The following PDZD2 variants were observed in gnomAD, a reference collection of about 807,000 sequenced individuals.
PDZD2 encodes PDZ domain-containing protein 2.
Under a neutral mutation model 220.7 loss-of-function variants are expected in PDZD2, and 90 were observed. The observed-to-expected ratio is 0.41, with a 90% CI of 0.34 to 0.49. PDZD2 has a LOEUF of 0.49. PDZD2 is among the 20% of genes least tolerant of loss of function. The pLI, the probability that PDZD2 is intolerant of heterozygous loss-of-function variation, is 0.28. For missense variants in PDZD2, 3,174 were observed against 3,608.5 expected, an observed-to-expected ratio of 0.88 and a Z score of 3.08; for synonymous variants, 1,375 against 1,450.5, an observed-to-expected ratio of 0.95 and a Z score of 1.18.
chr5:31,863,401 T>A lies in PDZD2; in HGVS notation c.476+63677T>A, dbSNP rs528616817. Among the ~76,000 whole-genome samples the A allele has an allele frequency of 1.6e-3, 251 of 152,344 alleles. 1 individual carries two copies. Among genetic ancestry groups the A allele is most frequent in the South Asian group, 2.7e-3 (13 of 4,830 alleles). On this transcript the variant is annotated intron_variant, in intron 2 of 24. Coordinates refer to ENST00000438447, the MANE Select transcript of PDZD2 (RefSeq NM_178140.4). Reference sequence around the variant, plus strand: ...AGGGAATTGCCACTTGAAATGTGCATCCCTGAAGTGGTGCCTGCCTAGCGT... The same window carrying A: ...AGGGAATTGCCACTTGAAATGTGCAACCCTGAAGTGGTGCCTGCCTAGCGT...
chr5:31,886,887 C>T (rs908946378), intron 2 of PDZD2, among the ~76,000 whole-genome samples: 3 of 152,098 alleles, frequency 2.0e-5, no homozygotes, highest in Admixed American at 6.6e-5. Context: ...TTAGTAGAGA[C>T]GGGGTTTCAC....
intron 1 of PDZD2, among the ~76,000 whole-genome samples, chr5:31,669,243 A>T (rs1043917807): frequency 6.6e-5 from 10 of 152,182 alleles, no homozygotes; most frequent in Non-Finnish European, 1.3e-4. Flanking sequence ...CTACAAAAAA[A>T]TTTTAAAAAT....
Position 32,090,865 on chromosome 5 carries a change from C to G in PDZD2, c.7417C>G (p.Gln2473Glu). 1 of 1,614,042 alleles carries G rather than the reference C, an allele frequency of 6.2e-7. No homozygotes were observed. The highest frequency in any genetic ancestry group is 8.5e-7 in the Non-Finnish European group (1 of 1,180,014). Reference sequence around the variant, plus strand: ...GAACAAGTCCTCGGTACGCCACACGCAGCCCTCGCCCGTGTCCCGCTCCAA... The same window carrying G: ...GAACAAGTCCTCGGTACGCCACACGGAGCCCTCGCCCGTGTCCCGCTCCAA... ...KRNKSSVRHT[Q>E]PSPVSRSKLQ... The change falls in exon 20 of 25, where the codon CAG (glutamine) becomes GAG (glutamate). Residue 2473 changes from glutamine (Q) to glutamate (E), a missense_variant. Gln to Glu is a conservative substitution (Grantham distance 29, BLOSUM62 2). Around this residue, in one of 4 missense-constraint regions of PDZD2, gnomAD observed 631 missense variants for 789.9 expected, o/e 0.80. Coordinates refer to ENST00000438447, the MANE Select transcript of PDZD2 (RefSeq NM_178140.4). The surrounding 1 kb of genome is among the most constrained non-coding windows in gnomAD (Gnocchi z 4.3).
intron 6 of PDZD2, among the ~76,000 whole-genome samples, chr5:32,024,209 G>T (rs1422251327): frequency 6.6e-6 from 1 of 152,208 alleles, no homozygotes; most frequent in East Asian, 1.9e-4. Flanking sequence ...TGCTGAGGTT[G>T]CAAGATCTAT....
At chr5:31,865,551 A>C (rs976785026) in intron 2 of PDZD2, among the ~76,000 whole-genome samples, 1 of 147,486 alleles carries the variant, frequency 6.8e-6, no homozygotes, top group Admixed American at 6.8e-5. Flanking sequence ...GGCTCAAACA[A>C]TCCTCCTGCC....
At chr5:31,831,285 A>G (rs1756566328) in intron 2 of PDZD2, among the ~76,000 whole-genome samples, 1 of 151,832 alleles carries the variant, frequency 6.6e-6, no homozygotes, top group South Asian at 2.1e-4. Context: ...AATCGAGACC[A>G]TCGTGGCCAA....
chr5:31,894,821 G>A (rs1741389114), intron 2 of PDZD2, among the ~76,000 whole-genome samples: 1 of 152,228 alleles, frequency 6.6e-6, no homozygotes, highest in East Asian at 1.9e-4. Context: ...TCAAGTGCTA[G>A]ACAGTTATTC....
intron 2 of PDZD2, among the ~76,000 whole-genome samples, chr5:31,875,849 A>G (rs1344962575): frequency 6.6e-6 from 1 of 151,814 alleles, no homozygotes; most frequent in African/African-American, 2.4e-5. Context: ...CTATTCCTGC[A>G]TCAATGTTAT....
intron 1 of PDZD2, among the ~76,000 whole-genome samples, chr5:31,670,200 G>GA (rs1227920087): frequency 2.6e-5 from 4 of 152,256 alleles, no homozygotes; most frequent in African/African-American, 9.6e-5. Context: ...TCAAGGAGAA[G>GA]AAATGTACAT....
intron 1 of PDZD2, among the ~76,000 whole-genome samples, chr5:31,724,881 A>G (rs1749030127): frequency 6.6e-6 from 1 of 152,220 alleles, no homozygotes; most frequent in Admixed American, 6.5e-5. Context: ...TATGAATATG[A>G]AAGTTTATTT....
intron 4 of PDZD2, among the ~76,000 whole-genome samples, chr5:31,997,088 G>T (rs1488092082): frequency 1.3e-5 from 2 of 152,150 alleles, no homozygotes; most frequent in Admixed American, 6.5e-5. Flanking sequence ...GCCTGCTGGG[G>T]CGTGTACGTA....
intron 1 of PDZD2, among the ~76,000 whole-genome samples, chr5:31,660,265 T>C (rs182527047): frequency 2.7e-4 from 41 of 152,318 alleles, no homozygotes; most frequent in African/African-American, 9.9e-4. Context: ...TATGTCCCCA[T>C]ATCTATTGGC....
At chr5:31,677,765 G>T (rs1053428154) in intron 1 of PDZD2, among the ~76,000 whole-genome samples, 4 of 152,120 alleles carry the variant, frequency 2.6e-5, no homozygotes, top group Admixed American at 1.3e-4. Flanking sequence ...AGACAAAAAA[G>T]AGTACATACG....
intron 1 of PDZD2, among the ~76,000 whole-genome samples, chr5:31,642,611 G>A (rs1177521241): frequency 6.6e-6 from 1 of 152,196 alleles, no homozygotes; most frequent in Admixed American, 6.5e-5. Flanking sequence ...ATTCATGAGA[G>A]TCCCTCCATT....
chr5:31,813,449 C>CAA (rs60551914), intron 2 of PDZD2, among the ~76,000 whole-genome samples: 1,930 of 94,024 alleles, frequency 0.021, 128 homozygotes, highest in African/African-American at 0.024. Context: ...GACTCCGTCT[C>CAA]AAAAAAAAAA....
intron 1 of PDZD2, chr5:31,661,565 C>G (rs138327891): frequency 6.6e-6 from 1 of 152,290 alleles, no homozygotes; most frequent in East Asian, 1.9e-4. Flanking sequence ...TTAGCTGACA[C>G]TCTTGAAACA....
At chr5:31,956,336 GTT>G (rs71598912) in intron 2 of PDZD2, among the ~76,000 whole-genome samples, 112 of 133,490 alleles carry the variant, frequency 8.4e-4, no homozygotes, top group African/African-American at 1.7e-3. Flanking sequence ...GAAACTAAGA[GTT>G]TTTTTTTTTT....
At chr5:31,969,850 C>T (rs144355833) in intron 2 of PDZD2, among the ~76,000 whole-genome samples, 3 of 151,642 alleles carry the variant, frequency 2.0e-5, no homozygotes, top group South Asian at 2.1e-4. Flanking sequence ...TTTGTGGTGC[C>T]GCCACTGTGC....
intron 6 of PDZD2, among the ~76,000 whole-genome samples, chr5:32,034,338 T>C (rs542983704): frequency 2.3e-4 from 35 of 151,094 alleles, no homozygotes; most frequent in Non-Finnish European, 4.6e-4. Flanking sequence ...GGTGGTATTA[T>C]CAGAAGGAAC....
Sources: gnomAD v4.1 joint callset for allele counts (sites outside exome capture counted in the v4.1 genomes callset) on GRCh38, gnomAD v4.1.1 for gene constraint, gnomAD v4.1.1 regional missense constraint, Gnocchi (gnomAD v3.1) non-coding constraint, MANE v1.5 for transcripts, NCBI Gene and HGNC (gene_info 2026-07-23, HGNC 2026-07-21) for gene names.